Variants in WAC observed in about 807,000 individuals in gnomAD.
WAC encodes the protein WW domain-containing adapter protein with coiled-coil.
Under a neutral mutation model 79.6 loss-of-function variants are expected in WAC, and 11 were observed. The ratio of observed to expected loss-of-function variants is 0.14; its 90% CI spans 0.09 to 0.23. The LOEUF is 0.23. Among genes scored for constraint, WAC ranks in the 10% least tolerant of loss-of-function variants. The pLI is 1.00. For missense variants in WAC, 728 were observed against 773.5 expected, an observed-to-expected ratio of 0.94 and a Z score of 0.70; for synonymous variants, 304 against 276.9, an observed-to-expected ratio of 1.10 and a Z score of -0.97.
intron 3 of WAC, among the ~76,000 whole-genome samples, chr10:28,547,951 G>A (rs72809642): frequency 0.25 from 32,917 of 131,212 alleles, 4,523 homozygotes; most frequent in Admixed American, 0.3. Flanking sequence ...AGAGAGTTTC[G>A]CTCTTGTTGC....
Position 28,583,627 on chromosome 10 carries a change from C to T in WAC, c.381+122C>T, listed in dbSNP as rs146224152. On this transcript the variant is annotated intron_variant, in intron 4 of 13. Transcript: ENST00000354911. ...TCTTTTTTTTTAAAAATGTTTCAAT[C>T]ACAGTCTTAATGTGTTTATTTGATA... 2.6e-3 allele frequency: 1,749 copies of T among 679,482 alleles called. 20 individuals are homozygous for T. The African/African-American group carries it at 0.03, about 12-fold the overall frequency. The allele number at this position is 679,482 out of a possible 1,614,324, so 42.1% of individuals were successfully genotyped here. A position where few individuals can be genotyped will look rare whatever the true frequency, so the allele number is the denominator to read the frequency against.
intron 3 of WAC, among the ~76,000 whole-genome samples, chr10:28,580,841 C>T (rs1839495660): frequency 6.6e-6 from 1 of 152,026 alleles, no homozygotes. Flanking sequence ...TTTTGGGATC[C>T]TAAAACCATT....
At chr10:28,562,950 C>CTCCTGCCTTTCATTCGTCT (rs1838378253) in intron 3 of WAC, among the ~76,000 whole-genome samples, 1 of 152,034 alleles carries the variant, frequency 6.6e-6, no homozygotes, top group African/African-American at 2.4e-5. Flanking sequence ...AAATCTGTAA[C>CTCCTGCCTTTCATTCGTCT]AATTACTAGT....
intron 3 of WAC, among the ~76,000 whole-genome samples, chr10:28,567,828 C>T (rs1339398233): frequency 6.6e-6 from 1 of 152,068 alleles, no homozygotes; most frequent in African/African-American, 2.4e-5. Context: ...TATCATGGCT[C>T]ACTGCAGCCT....
At chr10:28,610,653 T>TCAAAAAAA in intron 8 of WAC, 46 bp from the exon 9 acceptor site, 1 of 1,557,860 alleles carries the variant, frequency 6.4e-7, no homozygotes, top group African/African-American at 1.4e-5. Flanking sequence ...TAATGCCACA[T>TCAAAAAAA]AAGCCTCTTG....
chr10:28,608,087 CTTACG>C lies in WAC; in HGVS notation c.920-95_920-91del, dbSNP rs1465679168. On this transcript the variant is annotated intron_variant, in intron 7 of 13. Coordinates refer to ENST00000354911, the MANE Select transcript of WAC (RefSeq NM_016628.5). The stretch of plus-strand genomic sequence containing the variant: ...AGTGTGTAAGGGTTAAATGAGATTA[CTTACG>C]TTAGGTGCCTGGCACATGAGAGGTG... 5.1e-6 allele frequency: 7 copies of C among 1,375,446 alleles called. No homozygotes were observed. The East Asian group carries it at 1.6e-4, about 31-fold the overall frequency. The allele number at this position is 1,375,446 out of a possible 1,614,324, so 85.2% of individuals were successfully genotyped here.
At chr10:28,551,989 A>G (rs1837705933) in intron 3 of WAC, among the ~76,000 whole-genome samples, 1 of 151,854 alleles carries the variant, frequency 6.6e-6, no homozygotes, top group African/African-American at 2.4e-5. Flanking sequence ...ACGACGCCCA[A>G]CTAATATTTG....
intron 7 of WAC, among the ~76,000 whole-genome samples, chr10:28,603,985 A>G (rs1444874398): frequency 5.5e-5 from 2 of 36,392 alleles, no homozygotes; most frequent in Non-Finnish European, 1.0e-4. Flanking sequence ...ATATATATAT[A>G]TATGTATATA....
chr10:28,558,528 C>T lies in WAC; in HGVS notation c.274+22771C>T, dbSNP rs546862767. Among the ~76,000 whole-genome samples the T allele has an allele frequency of 2.6e-5, 4 of 152,018 alleles. No individual in the cohort carries two copies. In the South Asian group the frequency reaches 8.3e-4, roughly 32 times the overall value. ...AAGCCGGGTTTGTTTAATTTTAATT[C>T]TTTTGAGTTATGTGTAGCAATCTAT... On this transcript the variant is annotated intron_variant, in intron 3 of 13. Coordinates refer to ENST00000354911, the MANE Select transcript of WAC (RefSeq NM_016628.5).
At chr10:28,604,210 A>G (rs1003082865) in intron 7 of WAC, among the ~76,000 whole-genome samples, 2 of 150,644 alleles carry the variant, frequency 1.3e-5, no homozygotes, top group African/African-American at 4.9e-5. Context: ...ATGGAAGTGT[A>G]AGGCCTACCT....
chr10:28,568,764 G>A (rs1209555423), intron 3 of WAC, among the ~76,000 whole-genome samples: 1 of 152,028 alleles, frequency 6.6e-6, no homozygotes, highest in Non-Finnish European at 1.5e-5. Context: ...TACAGAGACG[G>A]GGTTTCACTA....
intron 4 of WAC, among the ~76,000 whole-genome samples, chr10:28,587,459 C>T (rs1052601294): frequency 1.3e-5 from 2 of 152,154 alleles, no homozygotes; most frequent in African/African-American, 4.8e-5. Flanking sequence ...TAGTTCTGGT[C>T]TTGTGAAAGG....
Position 28,610,817 on chromosome 10 carries a change from A to G in WAC, c.1284A>G (p.Thr428=). Residue 428 remains threonine, a synonymous_variant, in exon 9 of 14, where the codon ACA becomes ACG. Coordinates refer to ENST00000354911, the MANE Select transcript of WAC (RefSeq NM_016628.5). The part of the protein sequence containing the change: ...SLISQAAQLS[T]QAQPSNQSPM... ...TTTCTCAAGCTGCTCAGCTCTCTACACAAGGTATTCTTACTCATCTTAGAT... is the reference window on the plus strand; with the variant it reads ...TTTCTCAAGCTGCTCAGCTCTCTACGCAAGGTATTCTTACTCATCTTAGAT... 2 of 1,604,054 alleles carry G rather than the reference A, an allele frequency of 1.2e-6. No homozygotes were observed. The highest frequency in any genetic ancestry group is 1.7e-6 in the Non-Finnish European group (2 of 1,177,026).
At chr10:28,581,196 A>G (rs548653451) in intron 3 of WAC, among the ~76,000 whole-genome samples, 1 of 150,924 alleles carries the variant, frequency 6.6e-6, no homozygotes, top group South Asian at 2.1e-4. Context: ...TTCAGTACAA[A>G]CCATATTATA....
At chr10:28,584,936 C>T (rs529342301) in intron 4 of WAC, among the ~76,000 whole-genome samples, 1 of 152,128 alleles carries the variant, frequency 6.6e-6, no homozygotes, top group South Asian at 2.1e-4. Context: ...GGCATGGTGG[C>T]AAGCACCTGT....
intron 4 of WAC, among the ~76,000 whole-genome samples, chr10:28,585,598 G>A (rs1257904793): frequency 2.0e-5 from 3 of 151,620 alleles, no homozygotes. Flanking sequence ...TGGGGAGAAG[G>A]GGGGGCAAAT....
Position 28,617,715 on chromosome 10 carries a change from G to T in WAC, c.1805G>T (p.Cys602Phe). Reference sequence around the variant, plus strand: ...GGAACTATTCACATGTCCGAAATTTGTACTGAATTAAAAAATTTAAGATCT... The same window carrying T: ...GGAACTATTCACATGTCCGAAATTTTTACTGAATTAAAAAATTTAAGATCT... ...NMGTIHMSEICTELKNLRSLV... is the reference protein window; with the variant it reads ...NMGTIHMSEIFTELKNLRSLV... Residue 602 changes from cysteine (C) to phenylalanine (F), a missense_variant, in exon 13 of 14, where the codon TGT becomes TTT. Transcript: ENST00000354911. 1 of 1,598,376 alleles carries T rather than the reference G, an allele frequency of 6.3e-7. No individual in the cohort carries two copies. Among genetic ancestry groups the T allele is most frequent in the Non-Finnish European group, 8.5e-7 (1 of 1,175,190 alleles).
intron 11 of WAC, chr10:28,615,761 C>G (rs74127266): frequency 0.017 from 2,620 of 156,692 alleles, 55 homozygotes; most frequent in African/African-American, 0.059. Flanking sequence ...CATTATTTCA[C>G]CCTCTGATTC....
In WAC at chr10:28,599,672, G is replaced by A. The variant is rs146914282; in HGVS notation, c.919+3631G>A. On this transcript the variant is annotated intron_variant, in intron 7 of 13. Transcript: ENST00000354911. ...ATGGATTTAGATCTGTTTGATGCCA[G>A]TGTGTCATTTGAGAGAAAGAACCTA... is the stretch of plus-strand genomic sequence containing the variant. 5.2e-4 allele frequency among the ~76,000 whole-genome samples: 79 copies of A among 152,304 alleles called. 1 individual carries two copies. Among genetic ancestry groups the A allele is most frequent in the Admixed American group, 2.1e-3 (32 of 15,292 alleles).
Sources: allele counts gnomAD v4.1 joint callset (sites outside exome capture counted in the v4.1 genomes callset), GRCh38; gene constraint gnomAD v4.1.1; transcripts MANE v1.5; gene names NCBI Gene and HGNC (gene_info 2026-07-23, HGNC 2026-07-21).